Variants in THSD7B observed in about 807,000 individuals in gnomAD.
The protein encoded by THSD7B is thrombospondin type 1 domain containing 7B.
In THSD7B, 138 loss-of-function variants were observed where a neutral mutation model predicts 213.6. The ratio of observed to expected loss-of-function variants is 0.65; its 90% confidence interval spans 0.56 to 0.74. THSD7B has a LOEUF of 0.74. THSD7B is among the 30% of genes least tolerant of loss of function. The probability of loss-of-function intolerance (pLI) is 0.00; values close to 1 mark genes in which losing one functional copy is unlikely to be tolerated. For missense variants in THSD7B, 1,931 were observed against 1,991.5 expected (o/e 0.97, Z 0.58); for synonymous variants, 742 against 687.0 (o/e 1.08, Z -1.25).
chr2:137,275,200 G>A (rs529592305), intron 11 of THSD7B, among the ~76,000 whole-genome samples: 27 of 152,148 alleles, frequency 1.8e-4, no homozygotes, highest in African/African-American at 6.0e-4. Flanking sequence ...TTTCCTTCAA[G>A]ACTGTATCCT....
chr2:137,185,445 T>C (rs1417054805), intron 7 of THSD7B, among the ~76,000 whole-genome samples: 2 of 152,114 alleles, frequency 1.3e-5, no homozygotes, highest in African/African-American at 4.8e-5. Context: ...ATATTTATGT[T>C]CATGTGTACT....
chr2:137,063,715 A>G (rs1313074045), intron 3 of THSD7B, among the ~76,000 whole-genome samples: 1 of 152,028 alleles, frequency 6.6e-6, no homozygotes, highest in African/African-American at 2.4e-5. Context: ...TCTATTCTCT[A>G]GCTCCATGAG....
At chr2:137,498,945 T>TTGTG (rs1420654267) in intron 15 of THSD7B, among the ~76,000 whole-genome samples, 1 of 152,154 alleles carries the variant, frequency 6.6e-6, no homozygotes, top group Non-Finnish European at 1.5e-5. Flanking sequence ...GATATGGGCA[T>TTGTG]TGTCACCAGG....
At chr2:136,905,573 G>A (rs1438281861) in intron 2 of THSD7B, among the ~76,000 whole-genome samples, 1 of 151,952 alleles carries the variant, frequency 6.6e-6, no homozygotes, top group Non-Finnish European at 1.5e-5. Context: ...TAAATTAACA[G>A]TCAGGTTTGT....
At chr2:137,453,398 C>T (rs1426825990) in intron 15 of THSD7B, among the ~76,000 whole-genome samples, 3 of 126,504 alleles carry the variant, frequency 2.4e-5, no homozygotes, top group South Asian at 2.5e-4. Context: ...GGCATGATCT[C>T]GGCTCACTGC....
At chr2:137,094,758 C>A in intron 3 of THSD7B, 115 bp from the exon 4 acceptor site, 1 of 1,328,614 alleles carries the variant, frequency 7.5e-7, no homozygotes, top group Non-Finnish European at 1.0e-6. Flanking sequence ...TAAAAATCTT[C>A]CTATTAAACG....
chr2:136,990,317 G>C (rs554794993), intron 2 of THSD7B, among the ~76,000 whole-genome samples: 1 of 152,216 alleles, frequency 6.6e-6, no homozygotes, highest in Non-Finnish European at 1.5e-5. Context: ...AGATAGATTG[G>C]TCTTTGGACA....
At chr2:137,267,853 C>T (rs1454654792) in intron 10 of THSD7B, among the ~76,000 whole-genome samples, 1 of 152,192 alleles carries the variant, frequency 6.6e-6, no homozygotes, top group South Asian at 2.1e-4. Context: ...CCACTATCCT[C>T]CCCTCTCTAT....
rs193138503 is a variant in THSD7B, at chr2:137,137,984, G to T, written c.1370-22229G>T. Among the ~76,000 whole-genome samples the T allele has an allele frequency of 1.4e-3, 217 of 151,998 alleles. 1 individual carries two copies. Among genetic ancestry groups the T allele is most frequent in the Non-Finnish European group, 2.6e-3 (174 of 67,948 alleles). Reference sequence around the variant, plus strand: ...TGTGATCCCAGTTCACTGCAGCCTCGACTTCCCAGGCTCAAGTAATCCTCC... The same window carrying T: ...TGTGATCCCAGTTCACTGCAGCCTCTACTTCCCAGGCTCAAGTAATCCTCC... On this transcript the variant is annotated intron_variant, in intron 5 of 27. Coordinates refer to ENST00000409968, the MANE Select transcript of THSD7B (RefSeq NM_001316349.2).
At chr2:136,999,515 G>A (rs1473489018) in intron 2 of THSD7B, among the ~76,000 whole-genome samples, 1 of 148,798 alleles carries the variant, frequency 6.7e-6, no homozygotes, top group Non-Finnish European at 1.5e-5. Context: ...CCTTTTGTGT[G>A]TCAATATGAA....
chr2:137,064,988 T>C (rs111447433), intron 3 of THSD7B, among the ~76,000 whole-genome samples: 1,842 of 152,116 alleles, frequency 0.012, 23 homozygotes, highest in Middle Eastern at 0.024. Flanking sequence ...AGGTTAGCTT[T>C]GCCTATTCTG....
At chr2:137,672,612 T>G (rs1683601685) in intron 27 of THSD7B, among the ~76,000 whole-genome samples, 1 of 152,188 alleles carries the variant, frequency 6.6e-6, no homozygotes, top group African/African-American at 2.4e-5. Flanking sequence ...TCTAATTCTA[T>G]TAAATGGATT....
At chr2:136,899,760 ATG>A (rs1684033891) in intron 2 of THSD7B, among the ~76,000 whole-genome samples, 1 of 152,208 alleles carries the variant, frequency 6.6e-6, no homozygotes, top group Non-Finnish European at 1.5e-5. Context: ...CAGAATACTT[ATG>A]TAGAGTATTG....
At chr2:136,978,101 G>A (rs1387043542) in intron 2 of THSD7B, among the ~76,000 whole-genome samples, 1 of 152,106 alleles carries the variant, frequency 6.6e-6, no homozygotes, top group Non-Finnish European at 1.5e-5. Flanking sequence ...ACCCAGCCTT[G>A]AATAAGTTTC....
chr2:137,350,834 G>A (rs1272001463), intron 12 of THSD7B, among the ~76,000 whole-genome samples: 1 of 151,868 alleles, frequency 6.6e-6, no homozygotes, highest in Non-Finnish European at 1.5e-5. Context: ...GGATATAGGA[G>A]TAAAAGGAAA....
intron 2 of THSD7B, among the ~76,000 whole-genome samples, chr2:136,932,829 T>C (rs1201515735): frequency 6.6e-6 from 1 of 151,938 alleles, no homozygotes; most frequent in Non-Finnish European, 1.5e-5. Flanking sequence ...TCAGTGTGAA[T>C]TTGTAGAGTT....
intron 20 of THSD7B, among the ~76,000 whole-genome samples, chr2:137,636,482 G>A (rs1018534626): frequency 6.6e-6 from 1 of 152,132 alleles, no homozygotes; most frequent in African/African-American, 2.4e-5. Flanking sequence ...CTAATAACAA[G>A]TGCATAATTG....
chr2:137,333,829 A>G (rs1684573416), intron 12 of THSD7B, among the ~76,000 whole-genome samples: 1 of 152,194 alleles, frequency 6.6e-6, no homozygotes, highest in Admixed American at 6.5e-5. Context: ...AGCAGCCACA[A>G]TAAGAAAAGC....
At chr2:137,404,596 C>T (rs1385261883) in intron 12 of THSD7B, among the ~76,000 whole-genome samples, 2 of 148,634 alleles carry the variant, frequency 1.3e-5, no homozygotes, top group South Asian at 2.1e-4. Flanking sequence ...ACTATATATA[C>T]ACACACATAC....
Sources: gnomAD v4.1 joint callset for allele counts (sites outside exome capture counted in the v4.1 genomes callset) on GRCh38, gnomAD v4.1.1 for gene constraint, MANE v1.5 for transcripts, NCBI Gene and HGNC (gene_info 2026-07-23, HGNC 2026-07-21) for gene names.